TRPC7: variants seen among roughly 807,000 people sequenced by gnomAD.
The protein encoded by TRPC7 is transient receptor potential cation channel subfamily C member 7.
A neutral mutation model predicts 90.1 loss-of-function variants in TRPC7; 42 were observed. That is an observed-to-expected ratio of 0.47 (90% confidence interval 0.36 to 0.60). TRPC7 has a LOEUF of 0.60. Among genes scored for constraint, TRPC7 ranks in the 20% least tolerant of loss-of-function variants. The probability of loss-of-function intolerance (pLI) is 0.00; values close to 1 mark genes in which losing one functional copy is unlikely to be tolerated. For synonymous variants in TRPC7, 451 were observed against 436.3 expected (o/e 1.03, Z -0.42); for missense variants, 955 against 1,112.3 (o/e 0.86, Z 2.01).
Position 136,213,373 on chromosome 5 carries a change from G to C in TRPC7, c.*62C>G. 2 of 1,570,916 alleles carry C rather than the reference G, an allele frequency of 1.3e-6. No individual in the cohort carries two copies. Among genetic ancestry groups the C allele is most frequent in the Non-Finnish European group, 1.7e-6 (2 of 1,153,254 alleles). On this transcript the variant is annotated 3_prime_UTR_variant, in exon 12 of 12. Coordinates refer to ENST00000513104, the MANE Select transcript of TRPC7 (RefSeq NM_020389.3). ...GGGACCCCTCCCCACCAAGGATGGG[G>C]GCGAGGGCATCCAACCTGGCCTTGG...
intron 2 of TRPC7, among the ~76,000 whole-genome samples, chr5:136,328,797 G>T (rs895730988): frequency 5.3e-5 from 8 of 152,214 alleles, no homozygotes. Context: ...TCTATTTGGG[G>T]GTTGATCTTC....
At chr5:136,296,115 G>A (rs1236092433) in intron 3 of TRPC7, among the ~76,000 whole-genome samples, 3 of 152,172 alleles carry the variant, frequency 2.0e-5, no homozygotes, top group Non-Finnish European at 4.4e-5. Context: ...TTTGTGGTGT[G>A]GTGTGGTATG....
At chr5:136,362,844 C>T (rs867100832) in intron 1 of TRPC7, among the ~76,000 whole-genome samples, 13 of 152,084 alleles carry the variant, frequency 8.5e-5, no homozygotes, top group Non-Finnish European at 1.3e-4. Context: ...AGGGAATACT[C>T]GTGTATATGG....
chr5:136,244,203 C>T (rs1369358476), intron 7 of TRPC7, among the ~76,000 whole-genome samples: 1 of 151,270 alleles, frequency 6.6e-6, no homozygotes, highest in Non-Finnish European at 1.5e-5. Flanking sequence ...CCCTCCTCCT[C>T]CTTCTTCTTC....
chr5:136,355,526 T>C (rs1457535832), intron 2 of TRPC7, among the ~76,000 whole-genome samples: 4 of 152,172 alleles, frequency 2.6e-5, no homozygotes, highest in East Asian at 1.9e-4. Flanking sequence ...TGGCCAGGTG[T>C]GGTGGCTCAC....
chr5:136,247,267 T>C lies in TRPC7; in HGVS notation c.1844+204A>G, dbSNP rs1186171802. 6.6e-6 allele frequency among the ~76,000 whole-genome samples: 1 copy of C among 151,766 alleles called. No individual in the cohort carries two copies. Among genetic ancestry groups the C allele is most frequent in the East Asian group, 1.9e-4 (1 of 5,162 alleles). ...GGGAACATGCTCTGGTCACACGAAA[T>C]GTAAGTGGCAAAGTGAGGATTTAAC... On this transcript the variant is annotated intron_variant, in intron 7 of 11. Transcript: ENST00000513104. This position sits in a 1 kb window ranked among gnomAD's most constrained non-coding sequence, Gnocchi z 4.2.
chr5:136,241,242 C>T (rs1010064333), intron 7 of TRPC7, among the ~76,000 whole-genome samples: 1 of 152,220 alleles, frequency 6.6e-6, no homozygotes, highest in African/African-American at 2.4e-5. Context: ...GACAGAACAA[C>T]CTTAATAGAG....
chr5:136,266,749 T>C (rs980217101), intron 4 of TRPC7, among the ~76,000 whole-genome samples: 13 of 152,318 alleles, frequency 8.5e-5, no homozygotes, highest in African/African-American at 2.4e-4. Flanking sequence ...TATGAAAAAA[T>C]AATGTCTGCA....
intron 7 of TRPC7, among the ~76,000 whole-genome samples, chr5:136,242,388 C>T (rs1756200748): frequency 6.6e-6 from 1 of 152,180 alleles, no homozygotes; most frequent in Non-Finnish European, 1.5e-5. Context: ...TGCTCCTCCC[C>T]TTAGGCCAGC....
At chr5:136,220,675 G>T (rs1214840827) in intron 10 of TRPC7, among the ~76,000 whole-genome samples, 1 of 151,280 alleles carries the variant, frequency 6.6e-6, no homozygotes, top group Non-Finnish European at 1.5e-5. Flanking sequence ...TCTTTGCTTT[G>T]CCCTTTGCCT....
chr5:136,269,924 C>T (rs1757155068), intron 4 of TRPC7, among the ~76,000 whole-genome samples: 1 of 151,994 alleles, frequency 6.6e-6, no homozygotes, highest in Non-Finnish European at 1.5e-5. Flanking sequence ...TGATATTTCT[C>T]CACACATTTC....
chr5:136,255,411 A>C (rs1160183975), intron 5 of TRPC7, among the ~76,000 whole-genome samples: 2 of 152,236 alleles, frequency 1.3e-5, no homozygotes, highest in East Asian at 3.8e-4. Context: ...CTCCACCAGC[A>C]AAAAGATTAT....
rs1313720626 is a variant in TRPC7, at chr5:136,309,117, C to T, written c.963+6480G>A. On this transcript the variant is annotated intron_variant, in intron 3 of 11. Coordinates refer to ENST00000513104, the MANE Select transcript of TRPC7 (RefSeq NM_020389.3). The stretch of plus-strand genomic sequence containing the variant: ...CTCCTCTCTAAGCCTGCCCTTTTCT[C>T]CTTGGCATTCTGCTCTGAGGGTAAC... Among the ~76,000 whole-genome samples the T allele has an allele frequency of 2.0e-5, 3 of 152,176 alleles. No individual in the cohort carries two copies. The East Asian group carries it at 5.8e-4, about 29-fold the overall frequency.
At chr5:136,350,857 C>G (rs541616619) in intron 2 of TRPC7, among the ~76,000 whole-genome samples, 1 of 152,208 alleles carries the variant, frequency 6.6e-6, no homozygotes, top group Non-Finnish European at 1.5e-5. Flanking sequence ...TGCTCAAACA[C>G]AGGACTAGAG....
At chr5:136,364,640 T>C (rs1409785629) in intron 1 of TRPC7, among the ~76,000 whole-genome samples, 1 of 152,184 alleles carries the variant, frequency 6.6e-6, no homozygotes, top group Non-Finnish European at 1.5e-5. Context: ...CAATCATAGG[T>C]AAATGAATTT....
At chr5:136,230,239 C>T (rs551557924) in intron 8 of TRPC7, among the ~76,000 whole-genome samples, 2 of 152,244 alleles carry the variant, frequency 1.3e-5, no homozygotes, top group African/African-American at 4.8e-5. Context: ...TTAACTTTAG[C>T]TTATTTATTT....
At chr5:136,323,203 A>T (rs908475519) in intron 2 of TRPC7, among the ~76,000 whole-genome samples, 1 of 152,224 alleles carries the variant, frequency 6.6e-6, no homozygotes. Flanking sequence ...GTCTGCTGCC[A>T]CGTGAGACGT....
chr5:136,235,306 G>A (rs1266414441), intron 7 of TRPC7, among the ~76,000 whole-genome samples: 1 of 152,166 alleles, frequency 6.6e-6, no homozygotes, highest in Non-Finnish European at 1.5e-5. Context: ...TTTTTATGGT[G>A]ATTAGAGCTC....
At chr5:136,240,960 G>A (rs778135363) in intron 7 of TRPC7, among the ~76,000 whole-genome samples, 3 of 152,034 alleles carry the variant, frequency 2.0e-5, no homozygotes, top group South Asian at 2.1e-4. Flanking sequence ...AGCCGAGTAC[G>A]TGAAGCTCAG....
Sources: gnomAD v4.1 joint callset for allele counts (sites outside exome capture counted in the v4.1 genomes callset) on GRCh38, gnomAD v4.1.1 for gene constraint, Gnocchi (gnomAD v3.1) non-coding constraint, MANE v1.5 for transcripts, NCBI Gene and HGNC (gene_info 2026-07-23, HGNC 2026-07-21) for gene names.